The following ATCAY variants were observed in gnomAD, a reference collection of about 807,000 sequenced individuals.
ATCAY encodes ATCAY kinesin light chain interacting caytaxin, also known as caytaxin.
A neutral mutation model predicts 47.7 loss-of-function variants in ATCAY; 22 were observed. That is an observed-to-expected ratio of 0.46 (90% CI 0.33 to 0.66). The LOEUF is 0.66. ATCAY is among the 30% of genes least tolerant of loss of function. ATCAY has a pLI of 0.02. For missense variants in ATCAY, 452 were observed against 515.0 expected (o/e 0.88, Z 1.18); for synonymous variants, 216 against 207.6 (o/e 1.04, Z -0.35).
chr19:3,924,233 GTGGATGGATGGATGGA>G (rs113947508), intron 12 of ATCAY, among the ~76,000 whole-genome samples: 2 of 140,682 alleles, frequency 1.4e-5, no homozygotes, highest in African/African-American at 2.7e-5. Context: ...GAGTGAGTGT[GTGGATGGATGGATGGA>G]TGGATGGATG....
chr19:3,922,776 G>A (rs752026653), intron 12 of ATCAY, among the ~76,000 whole-genome samples: 14 of 152,006 alleles, frequency 9.2e-5, no homozygotes, highest in South Asian at 6.3e-4. Context: ...ATGGAGTCTC[G>A]CTCTGTCGCC....
intron 2 of ATCAY, among the ~76,000 whole-genome samples, chr19:3,896,343 C>G (rs1482247207): frequency 6.6e-6 from 1 of 151,546 alleles, no homozygotes; most frequent in Non-Finnish European, 1.5e-5. Flanking sequence ...TCTCAGCTCA[C>G]TGCAACCTCC....
In ATCAY at chr19:3,891,037, T is replaced by C. The variant is rs529324118; in HGVS notation, c.77+5193T>C. On this transcript the variant is annotated intron_variant, in intron 2 of 12. Coordinates refer to ENST00000450849, the MANE Select transcript of ATCAY (RefSeq NM_033064.5). Reference sequence around the variant, plus strand: ...GTGTCAGACAGAGCCCTGCATGGCCTCTGCCCTTCTAGCACTTTTTTTTTT... The same window carrying C: ...GTGTCAGACAGAGCCCTGCATGGCCCCTGCCCTTCTAGCACTTTTTTTTTT... Among the ~76,000 whole-genome samples the C allele has an allele frequency of 8.0e-5, 12 of 150,512 alleles. No individual in the cohort carries two copies. In the South Asian group the frequency reaches 2.5e-3, roughly 32 times the overall value.
At chr19:3,914,253 G>T (rs1490982708) in intron 9 of ATCAY, among the ~76,000 whole-genome samples, 1 of 54,144 alleles carries the variant, frequency 1.8e-5, no homozygotes, top group African/African-American at 9.7e-5. Context: ...AAAAAAAAGG[G>T]CTAACGGACT....
chr19:3,905,469 C>T lies in ATCAY; in HGVS notation c.172C>T (p.Arg58Cys), dbSNP rs376454003. 6.2e-6 allele frequency: 10 copies of T among 1,613,286 alleles called. No homozygotes were observed. The highest frequency in any genetic ancestry group is 1.7e-5 in the Admixed American group (1 of 59,840). ...CACGCTAAATTTCAACGGAGCGCAT[C>T]GTAAGAGGAAGACGCTGGTGGCCCC... ...PNTLNFNGAHRKRKTLVAPEI... is the reference protein window; with the variant it reads ...PNTLNFNGAHCKRKTLVAPEI... The change falls in exon 4 of 13, where the codon CGT becomes TGT. Residue 58 changes from arginine (R) to cysteine (C), a missense_variant. Physicochemically the swap from Arg to Cys is radical, Grantham distance 180. Transcript: ENST00000450849.
rs764132493 is a variant in ATCAY at position 3,924,804 on chromosome 19, C to T, written c.*212C>T. On this transcript the variant is annotated 3_prime_UTR_variant, in exon 13 of 13. Coordinates refer to ENST00000450849, the MANE Select transcript of ATCAY (RefSeq NM_033064.5). ...TTTTTTTAACGATGCAGTATTTGTG[C>T]GTTCCAGAAAAGGGCCCAGCTCTGA... The T allele has an allele frequency of 2.5e-4, 144 of 565,898 alleles. No homozygotes were observed. The highest frequency in any genetic ancestry group is 4.3e-4 in the Admixed American group (14 of 32,276). The allele number at this position is 565,898 out of a possible 1,614,324, so 35.1% of individuals were successfully genotyped here.
At chr19:3,913,630 C>G in intron 8 of ATCAY, 128 bp from the exon 9 acceptor site, 1 of 670,320 alleles carries the variant, frequency 1.5e-6, no homozygotes, top group Non-Finnish European at 2.7e-6. Flanking sequence ...GAGGTGTCGT[C>G]GTCTGCACTG....
chr19:3,917,807 G>C (rs927883648), intron 10 of ATCAY, 30 bp downstream of exon 10: 1 of 1,604,970 alleles, frequency 6.2e-7, no homozygotes, highest in Non-Finnish European at 8.5e-7. Flanking sequence ...TGCTGGGGCT[G>C]GGTCGGGGCA....
rs2039051275 is a variant in ATCAY, at chr19:3,924,649, T to C, written c.*57T>C. 3.7e-6 allele frequency: 6 copies of C among 1,603,326 alleles called. No homozygotes were observed. Among genetic ancestry groups the C allele is most frequent in the African/African-American group, 1.3e-5 (1 of 74,700 alleles). On this transcript the variant is annotated 3_prime_UTR_variant, in exon 13 of 13. Coordinates refer to ENST00000450849, the MANE Select transcript of ATCAY (RefSeq NM_033064.5). ...AAGATTCCAGATGCCAGAAAACCTC[T>C]GTCAGACGCCCACTGGCCCCAGATC...
intron 1 of ATCAY, among the ~76,000 whole-genome samples, chr19:3,884,090 G>A (rs1351885072): frequency 1.3e-5 from 2 of 152,066 alleles, no homozygotes; most frequent in Non-Finnish European, 2.9e-5. Context: ...GATCACCTGA[G>A]CCCGAAAGTT....
rs1038891696 is a variant in ATCAY at position 3,888,914 on chromosome 19, G to T, written c.77+3070G>T. On this transcript the variant is annotated intron_variant, in intron 2 of 12. Transcript: ENST00000450849. ...ATCCAGTCATTGCCAGGCCTCTAAG[G>T]CCCATGCACCTGTCTGTGTTTCTTT... 5.3e-5 allele frequency among the ~76,000 whole-genome samples: 8 copies of T among 152,030 alleles called. No homozygotes were observed. In the South Asian group the frequency reaches 8.3e-4, roughly 16 times the overall value.
At chr19:3,901,171 G>T (rs2038813478) in intron 2 of ATCAY, among the ~76,000 whole-genome samples, 1 of 152,098 alleles carries the variant, frequency 6.6e-6, no homozygotes, top group Admixed American at 6.6e-5. Context: ...CAAAGTGCTG[G>T]GATTACAGGC....
intron 8 of ATCAY, among the ~76,000 whole-genome samples, chr19:3,911,156 A>T (rs892027323): frequency 6.6e-6 from 1 of 152,144 alleles, no homozygotes; most frequent in African/African-American, 2.4e-5. Context: ...AGGTGGGAGG[A>T]TCGTTTGAGG....
intron 12 of ATCAY, among the ~76,000 whole-genome samples, chr19:3,921,058 C>A (rs1389348555): frequency 1.3e-5 from 2 of 152,080 alleles, no homozygotes; most frequent in African/African-American, 4.8e-5. Flanking sequence ...ATTACCTAGA[C>A]CAGGATGCAA....
At chr19:3,921,429 CAAAAAAAGAAA>C (rs1165751077) in intron 12 of ATCAY, among the ~76,000 whole-genome samples, 2 of 148,476 alleles carry the variant, frequency 1.3e-5, no homozygotes, top group African/African-American at 2.5e-5. Context: ...GACTTTGTCT[CAAAAAAAGAAA>C]AAAAAAAGGA....
Position 3,909,429 on chromosome 19 carries a change from T to G in ATCAY, c.648-57T>G, listed in dbSNP as rs879165929. 6 of 1,566,332 alleles carry G rather than the reference T, an allele frequency of 3.8e-6. No homozygotes were observed. In the Middle Eastern group the frequency reaches 1.1e-3, roughly 294 times the overall value. Reference sequence around the variant, plus strand: ...AGGCAGGCAGGGTCGGCACCGCAGGTGTCCTGACCCTGGACCCCTCCATGT... The same window carrying G: ...AGGCAGGCAGGGTCGGCACCGCAGGGGTCCTGACCCTGGACCCCTCCATGT... On this transcript the variant is annotated intron_variant, in intron 6 of 12. Coordinates refer to ENST00000450849, the MANE Select transcript of ATCAY (RefSeq NM_033064.5).
Position 3,924,664 on chromosome 19 carries a change from G to A in ATCAY, c.*72G>A. 6.4e-7 allele frequency: 1 copy of A among 1,564,210 alleles called. No homozygotes were observed. Among genetic ancestry groups the A allele is most frequent in the Non-Finnish European group, 8.8e-7 (1 of 1,139,828 alleles). ...AGAAAACCTCTGTCAGACGCCCACT[G>A]GCCCCAGATCTCATCCTGCCTCATC... On this transcript the variant is annotated 3_prime_UTR_variant, in exon 13 of 13. Transcript: ENST00000450849.
intron 9 of ATCAY, among the ~76,000 whole-genome samples, chr19:3,914,994 C>CT (rs397859413): frequency 4.0e-5 from 6 of 151,688 alleles, no homozygotes; most frequent in South Asian, 4.2e-4. Flanking sequence ...AGGGACCCCC[C>CT]GGAGCTTGGG....
Sources: gnomAD v4.1 joint callset for allele counts (sites outside exome capture counted in the v4.1 genomes callset) on GRCh38, gnomAD v4.1.1 for gene constraint, MANE v1.5 for transcripts, NCBI Gene and HGNC (gene_info 2026-07-23, HGNC 2026-07-21) for gene names.